Variants in SLC9A9 observed in about 807,000 individuals in gnomAD.
SLC9A9 encodes the protein solute carrier family 9 member A9.
SLC9A9 carries 62 observed loss-of-function variants against 77.8 expected under a neutral mutation model. The observed-to-expected ratio is 0.80, with a 90% confidence interval of 0.65 to 0.98. The LOEUF (loss-of-function observed/expected upper bound fraction) is 0.98, where lower values mean the gene tolerates loss of function less well. SLC9A9 is among the 50% of genes least tolerant of loss of function. The pLI is 0.00. For synonymous variants in SLC9A9, 320 were observed against 283.5 expected, an observed-to-expected ratio of 1.13 and a Z score of -1.29; for missense variants, 775 against 774.9, an observed-to-expected ratio of 1.00 and a Z score of 0.00.
intron 14 of SLC9A9, among the ~76,000 whole-genome samples, chr3:143,354,226 G>A (rs755006367): frequency 3.3e-5 from 5 of 152,240 alleles, no homozygotes; most frequent in African/African-American, 7.2e-5. Flanking sequence ...TTCATGTTAC[G>A]AAATCGCTGT....
At chr3:143,361,709 T>C (rs1275745047) in intron 14 of SLC9A9, among the ~76,000 whole-genome samples, 1 of 152,230 alleles carries the variant, frequency 6.6e-6, no homozygotes, top group African/African-American at 2.4e-5. Context: ...AATCTGCTTT[T>C]ATTTTTGCTA....
intron 9 of SLC9A9, among the ~76,000 whole-genome samples, chr3:143,514,058 A>G (rs531591407): frequency 7.6e-4 from 115 of 151,926 alleles, no homozygotes; most frequent in African/African-American, 2.7e-3. Context: ...AAGTGATCTC[A>G]TTGTTCAATT....
intron 6 of SLC9A9, among the ~76,000 whole-genome samples, chr3:143,591,271 T>G (rs1490144246): frequency 6.6e-6 from 1 of 152,252 alleles, no homozygotes; most frequent in Non-Finnish European, 1.5e-5. Flanking sequence ...GCAGATAATT[T>G]CACTTCGGTT....
At chr3:143,593,907 T>A (rs16853903) in intron 6 of SLC9A9, among the ~76,000 whole-genome samples, 16,708 of 152,142 alleles carry the variant, frequency 0.11, 1,225 homozygotes, top group African/African-American at 0.2. Flanking sequence ...GTGGGGACTA[T>A]AATAAAATGG....
chr3:143,802,025 C>T (rs142776127), intron 2 of SLC9A9, among the ~76,000 whole-genome samples: 19 of 152,188 alleles, frequency 1.2e-4, no homozygotes, highest in Non-Finnish European at 2.5e-4. Flanking sequence ...CCATTGCCCT[C>T]GGCAACGCTT....
At chr3:143,295,796 C>T (rs1293094323) in intron 14 of SLC9A9, among the ~76,000 whole-genome samples, 1 of 151,998 alleles carries the variant, frequency 6.6e-6, no homozygotes. Context: ...TCCAATATAC[C>T]TGTAATTACA....
At chr3:143,704,995 ATATCTATCTATCTATC>A (rs61441328) in intron 4 of SLC9A9, among the ~76,000 whole-genome samples, 18 of 116,034 alleles carry the variant, frequency 1.6e-4, no homozygotes, top group Admixed American at 3.4e-4. Flanking sequence ...TCCATCTCAA[ATATCTATCTATCTATC>A]TATCTATCTA....
intron 3 of SLC9A9, among the ~76,000 whole-genome samples, chr3:143,796,302 T>C (rs73869162): frequency 0.097 from 14,277 of 147,770 alleles, 1,531 homozygotes; most frequent in African/African-American, 0.26. Flanking sequence ...CAATGTTAAT[T>C]AATAACCAAA....
At chr3:143,391,957 G>T (rs979489552) in intron 12 of SLC9A9, among the ~76,000 whole-genome samples, 4 of 152,190 alleles carry the variant, frequency 2.6e-5, no homozygotes, top group African/African-American at 9.6e-5. Context: ...TGTGTGAAAA[G>T]ACCAAATCTA....
chr3:143,329,064 A>G (rs549055420), intron 14 of SLC9A9, among the ~76,000 whole-genome samples: 27 of 152,324 alleles, frequency 1.8e-4, no homozygotes, highest in African/African-American at 6.0e-4. Flanking sequence ...CAAACGACCA[A>G]CTTTTAATAA....
rs1286614769 is a variant in SLC9A9, at chr3:143,348,896, A to G, written c.1604+14588T>C. On this transcript the variant is annotated intron_variant, in intron 14 of 15. Coordinates refer to ENST00000316549, the MANE Select transcript of SLC9A9 (RefSeq NM_173653.4). ...TTACAAATGAAACTGGAGCTTAGAG[A>G]GACTGGTTCAAGCTCATGCAGCCTG... Among the ~76,000 whole-genome samples, 3 of 152,256 alleles carry G rather than the reference A, an allele frequency of 2.0e-5. No individual in the cohort carries two copies. In the East Asian group the frequency reaches 5.8e-4, roughly 29 times the overall value.
At position 143,582,402 on chromosome 3, in the gene SLC9A9, C is replaced by CAAAAT. The variant is rs113174457; in HGVS notation, c.756-3680_756-3679insATTTT. Among the ~76,000 whole-genome samples the CAAAAT allele has an allele frequency of 1.1e-4, 16 of 152,258 alleles. 1 individual carries two copies. Among genetic ancestry groups the CAAAAT allele is most frequent in the African/African-American group, 3.6e-4 (15 of 41,540 alleles). Reference sequence around the variant, plus strand: ...TTCCTTGAGTACTTATATGTACACTCAAATACTCAGTGAATGTTATTTATC... The same window carrying CAAAAT: ...TTCCTTGAGTACTTATATGTACACTCAAAATAAATACTCAGTGAATGTTATTTATC... On this transcript the variant is annotated intron_variant, in intron 6 of 15. Coordinates refer to ENST00000316549, the MANE Select transcript of SLC9A9 (RefSeq NM_173653.4).
At chr3:143,373,930 A>C (rs2033115473) in intron 13 of SLC9A9, among the ~76,000 whole-genome samples, 1 of 152,186 alleles carries the variant, frequency 6.6e-6, no homozygotes, top group Non-Finnish European at 1.5e-5. Flanking sequence ...TATTTCCCGA[A>C]TTTGATGAAA....
intron 13 of SLC9A9, chr3:143,381,220 A>G (rs1270427213): frequency 6.6e-6 from 1 of 152,140 alleles, no homozygotes; most frequent in Non-Finnish European, 1.5e-5. Context: ...AACTCCCACA[A>G]TTCCCATGTG....
intron 12 of SLC9A9, among the ~76,000 whole-genome samples, chr3:143,450,450 A>G (rs2034986528): frequency 6.6e-6 from 1 of 151,728 alleles, no homozygotes; most frequent in Non-Finnish European, 1.5e-5. Flanking sequence ...ACTTTAGAAA[A>G]ACGTACTCAA....
At chr3:143,755,808 T>C (rs962744604) in intron 4 of SLC9A9, among the ~76,000 whole-genome samples, 2 of 152,178 alleles carry the variant, frequency 1.3e-5, no homozygotes, top group East Asian at 1.9e-4. Context: ...TATTCTATTA[T>C]AGATATGTAC....
At chr3:143,761,621 C>G (rs138690004) in intron 4 of SLC9A9, among the ~76,000 whole-genome samples, 3 of 152,162 alleles carry the variant, frequency 2.0e-5, no homozygotes, top group Non-Finnish European at 4.4e-5. Context: ...CAGAGAAATG[C>G]AAATCAAAAC....
intron 6 of SLC9A9, among the ~76,000 whole-genome samples, chr3:143,587,562 G>A (rs1011147136): frequency 6.6e-6 from 1 of 152,038 alleles, no homozygotes; most frequent in African/African-American, 2.4e-5. Flanking sequence ...AGTGGTGGGA[G>A]TCAGGCTGGA....
chr3:143,833,969 T>A (rs1465632367), intron 1 of SLC9A9, among the ~76,000 whole-genome samples: 1 of 151,576 alleles, frequency 6.6e-6, no homozygotes, highest in Admixed American at 6.6e-5. Flanking sequence ...TGCTGAGAGG[T>A]TTTGATTTTT....
Sources: allele counts gnomAD v4.1 joint callset (sites outside exome capture counted in the v4.1 genomes callset), GRCh38; gene constraint gnomAD v4.1.1; transcripts MANE v1.5; gene names NCBI Gene and HGNC (gene_info 2026-07-23, HGNC 2026-07-21).